The following DGKH variants were observed in gnomAD, a reference collection of about 807,000 sequenced individuals.
The protein encoded by DGKH is diacylglycerol kinase eta.
In DGKH, 90 loss-of-function variants were observed where a neutral mutation model predicts 159.3. That is an observed-to-expected ratio of 0.57 (90% CI 0.48 to 0.67). DGKH has a LOEUF of 0.67. Ranked by LOEUF, DGKH falls within the 30% of genes least tolerant of loss-of-function variation. The pLI is 0.00. For synonymous variants in DGKH, 536 were observed against 553.8 expected (o/e 0.97, Z 0.45); for missense variants, 1,181 against 1,506.1 (o/e 0.78, Z 3.57).
intron 29 of DGKH, among the ~76,000 whole-genome samples, chr13:42,221,831 G>A (rs1957981469): frequency 6.6e-6 from 1 of 152,168 alleles, no homozygotes; most frequent in African/African-American, 2.4e-5. Context: ...TGAGAAGAGA[G>A]ACTTACAGCA....
intron 21 of DGKH, among the ~76,000 whole-genome samples, chr13:42,207,036 T>TTTCTTTCTTC (rs1957503243): frequency 8.3e-6 from 1 of 120,230 alleles, no homozygotes; most frequent in African/African-American, 3.3e-5. Context: ...TTTCTTTCTT[T>TTTCTTTCTTC]CTTTCCTTCT....
intron 13 of DGKH, among the ~76,000 whole-genome samples, chr13:42,182,681 G>T (rs969709472): frequency 2.0e-5 from 3 of 152,118 alleles, no homozygotes; most frequent in African/African-American, 7.2e-5. Context: ...TTCAGACCAT[G>T]GTTGGTTGAC....
At chr13:42,134,127 T>C (rs1009746459) in intron 3 of DGKH, among the ~76,000 whole-genome samples, 5 of 152,228 alleles carry the variant, frequency 3.3e-5, no homozygotes, top group South Asian at 2.1e-4. Flanking sequence ...ACCTGTGCTT[T>C]GCCTGAAAAC....
intron 16 of DGKH, among the ~76,000 whole-genome samples, chr13:42,194,222 C>T (rs1177581464): frequency 6.6e-6 from 1 of 152,184 alleles, no homozygotes; most frequent in Non-Finnish European, 1.5e-5. Flanking sequence ...TCACTGCAAC[C>T]TCAAACTCCT....
chr13:42,107,183 G>A (rs1185520573), intron 1 of DGKH, among the ~76,000 whole-genome samples: 7 of 152,206 alleles, frequency 4.6e-5, no homozygotes, highest in African/African-American at 1.2e-4. Flanking sequence ...TTGGAGGAGC[G>A]GTTATTTAAG....
rs1958362594 is a variant in DGKH at position 42,234,106 on chromosome 13, T to C, written c.*4918T>C. ...TAAAATAGTGCCTGAAGAATAATAT[T>C]TCATATTCTTGACCCCCAAATAACA... is the stretch of plus-strand genomic sequence containing the variant. On this transcript the variant is annotated 3_prime_UTR_variant, in exon 30 of 30. Coordinates refer to ENST00000337343, the MANE Select transcript of DGKH (RefSeq NM_178009.5). 6.7e-6 allele frequency: 1 copy of C among 149,852 alleles called. No individual in the cohort carries two copies. The highest frequency in any genetic ancestry group is 6.7e-5 in the Admixed American group (1 of 14,858). 9.3% of individuals were successfully genotyped at this position (149,852 alleles called of 1,614,324 possible).
chr13:42,158,408 C>T (rs1956095620), intron 5 of DGKH, among the ~76,000 whole-genome samples: 1 of 152,204 alleles, frequency 6.6e-6, no homozygotes, highest in South Asian at 2.1e-4. Context: ...TCCCCTCATA[C>T]TTGAATAATT....
rs1300092927 is a variant in DGKH at position 42,237,139 on chromosome 13, A to G, written c.*7951A>G. ...AAAATTTAAAACATAATGGCACAAC[A>G]TACGACACAGAATAAAACACATGTT... is the stretch of plus-strand genomic sequence containing the variant. On this transcript the variant is annotated 3_prime_UTR_variant, in exon 30 of 30. Coordinates refer to ENST00000337343, the MANE Select transcript of DGKH (RefSeq NM_178009.5). 1.3e-5 allele frequency: 2 copies of G among 152,246 alleles called. No individual in the cohort carries two copies. Among genetic ancestry groups the G allele is most frequent in the African/African-American group, 2.4e-5 (1 of 41,468 alleles). The allele number at this position is 152,246 out of a possible 1,614,324, so 9.4% of individuals were successfully genotyped here.
rs1307491610 is a variant in DGKH at position 42,048,805 on chromosome 13, C to T, written c.32C>T (p.Pro11Leu). Residue 11 changes from proline (P) to leucine (L), a missense_variant, in exon 1 of 30, where the codon CCG becomes CTG. Coordinates refer to ENST00000337343, the MANE Select transcript of DGKH (RefSeq NM_178009.5). The surrounding 1 kb of genome is among the most constrained non-coding windows in gnomAD (Gnocchi z 6.7). Reference protein sequence around the residue: MAGAGGQHHPPGAAGGAAAGA... With the variant: MAGAGGQHHPLGAAGGAAAGA... ...GGGGCCGGAGGCCAGCACCACCCTCCGGGCGCCGCTGGAGGAGCGGCCGCC... is the reference window on the plus strand; with the variant it reads ...GGGGCCGGAGGCCAGCACCACCCTCTGGGCGCCGCTGGAGGAGCGGCCGCC... 7 of 1,320,940 alleles carry T rather than the reference C, an allele frequency of 5.3e-6. No homozygotes were observed. The African/African-American group carries it at 7.7e-5, about 15-fold the overall frequency. The allele number at this position is 1,320,940 out of a possible 1,614,324, so 81.8% of individuals were successfully genotyped here.
At chr13:42,098,377 C>T (rs1235923714) in intron 1 of DGKH, among the ~76,000 whole-genome samples, 1 of 152,012 alleles carries the variant, frequency 6.6e-6, no homozygotes, top group African/African-American at 2.4e-5. Flanking sequence ...GTCCCAGCTA[C>T]TCGGGAGGCT....
chr13:42,226,216 T>C (rs1482444446), intron 29 of DGKH, among the ~76,000 whole-genome samples: 1 of 152,146 alleles, frequency 6.6e-6, no homozygotes, highest in Non-Finnish European at 1.5e-5. Flanking sequence ...CAGTGATCAT[T>C]AGAGAAGTGC....
intron 30 of DGKH, chr13:42,256,181 G>A (rs1566241454): frequency 8.2e-7 from 1 of 1,223,106 alleles, no homozygotes; most frequent in Admixed American, 1.7e-5. Context: ...TCATGTTGCT[G>A]TAACAGTTGG....
chr13:42,080,596 A>G (rs531983007), intron 1 of DGKH, among the ~76,000 whole-genome samples: 28 of 152,358 alleles, frequency 1.8e-4, no homozygotes, highest in Non-Finnish European at 3.1e-4. Context: ...GAAGAGTTTT[A>G]GATTCGGAAA....
chr13:42,059,433 A>G (rs1012899358), intron 1 of DGKH, among the ~76,000 whole-genome samples: 3 of 152,076 alleles, frequency 2.0e-5, no homozygotes, highest in African/African-American at 7.2e-5. Flanking sequence ...TATTTTTAGT[A>G]GAGACGGGGT....
chr13:42,126,755 C>T (rs1955178878), intron 1 of DGKH, among the ~76,000 whole-genome samples: 1 of 152,156 alleles, frequency 6.6e-6, no homozygotes, highest in Non-Finnish European at 1.5e-5. Context: ...GCCCTTCCCC[C>T]ATCTCTTGTC....
At chr13:42,063,737 C>G (rs998076844) in intron 1 of DGKH, among the ~76,000 whole-genome samples, 2 of 151,940 alleles carry the variant, frequency 1.3e-5, no homozygotes, top group Non-Finnish European at 2.9e-5. Context: ...GTCAGGAGTT[C>G]GAGACCAGCC....
At chr13:42,109,550 A>G (rs1954820278) in intron 1 of DGKH, among the ~76,000 whole-genome samples, 2 of 152,204 alleles carry the variant, frequency 1.3e-5, no homozygotes, top group South Asian at 2.1e-4. Flanking sequence ...AAAGATCTCA[A>G]AGGAGGAATA....
At chr13:42,070,153 T>C in intron 1 of DGKH, 1 of 914,402 alleles carries the variant, frequency 1.1e-6, no homozygotes, top group South Asian at 1.3e-5. Context: ...CATGTAAGGA[T>C]GGGAGAGCGC....
intron 13 of DGKH, chr13:42,181,798 C>G (rs1594159534): frequency 2.5e-6 from 1 of 398,720 alleles, no homozygotes; most frequent in East Asian, 9.0e-5. Context: ...GGAGACTCAA[C>G]TGCAGTGGGT....
Sources: gnomAD v4.1 joint callset for allele counts (sites outside exome capture counted in the v4.1 genomes callset) on GRCh38, gnomAD v4.1.1 for gene constraint, Gnocchi (gnomAD v3.1) non-coding constraint, MANE v1.5 for transcripts, NCBI Gene and HGNC (gene_info 2026-07-23, HGNC 2026-07-21) for gene names.